COL13A1: variants seen among roughly 807,000 people sequenced by gnomAD.
The protein encoded by COL13A1 is collagen type XIII alpha 1 chain.
In COL13A1, 89 loss-of-function variants were observed where a neutral mutation model predicts 130.9. That is an observed-to-expected ratio of 0.68 (90% CI 0.57 to 0.81). The LOEUF (loss-of-function observed/expected upper bound fraction) is 0.81, where lower values mean the gene tolerates loss of function less well. COL13A1 is among the 30% of genes least tolerant of loss of function. The probability of loss-of-function intolerance (pLI) is 0.00; values close to 1 mark genes in which losing one functional copy is unlikely to be tolerated. For missense variants in COL13A1, 879 were observed against 934.6 expected (o/e 0.94, Z 0.78); for synonymous variants, 402 against 341.6 (o/e 1.18, Z -1.95).
intron 36 of COL13A1, among the ~76,000 whole-genome samples, chr10:69,945,325 G>T (rs1200072396): frequency 6.6e-6 from 1 of 152,240 alleles, no homozygotes; most frequent in Non-Finnish European, 1.5e-5. Flanking sequence ...CTCTGGAGAA[G>T]AAAGCAAAGC....
intron 31 of COL13A1, among the ~76,000 whole-genome samples, chr10:69,933,785 G>A (rs946321759): frequency 5.9e-5 from 9 of 152,082 alleles, no homozygotes; most frequent in African/African-American, 1.9e-4. Flanking sequence ...AGAAGGAAAG[G>A]ATTAAATAAC....
chr10:69,821,900 G>A (rs1290809546), intron 1 of COL13A1, among the ~76,000 whole-genome samples: 2 of 152,148 alleles, frequency 1.3e-5, no homozygotes, highest in African/African-American at 2.4e-5. Context: ...GGGGTGCAGA[G>A]AGCCTTGCCA....
chr10:69,872,511 C>A (rs1042907990), intron 4 of COL13A1, among the ~76,000 whole-genome samples: 4 of 152,232 alleles, frequency 2.6e-5, no homozygotes, highest in African/African-American at 9.6e-5. Context: ...ACTGATGACC[C>A]TACCATGAGC....
chr10:69,911,752 C>T (rs2063402370), intron 17 of COL13A1, among the ~76,000 whole-genome samples: 1 of 152,268 alleles, frequency 6.6e-6, no homozygotes, highest in Admixed American at 6.5e-5. Flanking sequence ...GTGTGTTGCT[C>T]TTGCCAAAGA....
At chr10:69,853,017 C>CG (rs11427754) in intron 2 of COL13A1, among the ~76,000 whole-genome samples, 19,868 of 151,338 alleles carry the variant, frequency 0.13, 1,473 homozygotes, top group African/African-American at 0.19. Context: ...GGCGGGGGAG[C>CG]GGGGGGAGGT....
chr10:69,849,689 C>A (rs1001433806), intron 2 of COL13A1, among the ~76,000 whole-genome samples: 28 of 152,302 alleles, frequency 1.8e-4, no homozygotes, highest in African/African-American at 6.5e-4. Context: ...GTCTTCCCAG[C>A]CTGCCTCGAC....
At chr10:69,878,701 C>T (rs1240131632) in intron 6 of COL13A1, among the ~76,000 whole-genome samples, 5 of 152,230 alleles carry the variant, frequency 3.3e-5, no homozygotes, top group Admixed American at 6.5e-5. Context: ...AGGCTGGTCT[C>T]GAATTCCTGA....
chr10:69,878,403 C>A (rs1311091728), intron 6 of COL13A1, among the ~76,000 whole-genome samples: 1 of 152,162 alleles, frequency 6.6e-6, no homozygotes, highest in African/African-American at 2.4e-5. Flanking sequence ...TGGAATAGAG[C>A]CCCCCTGGGA....
At chr10:69,823,911 CAG>C (rs1259284049) in intron 2 of COL13A1, among the ~76,000 whole-genome samples, 1 of 152,130 alleles carries the variant, frequency 6.6e-6, no homozygotes, top group East Asian at 1.9e-4. Flanking sequence ...GGGGCCTGGG[CAG>C]AGAGACCGTT....
rs529878730 is a variant in COL13A1, at chr10:69,827,635, C to T, written c.364+5197C>T. The stretch of plus-strand genomic sequence containing the variant: ...CCTTCCAGCAACAAGAGTCTGCGAT[C>T]CTACGAATAGGGCTTTATTTTCTTA... On this transcript the variant is annotated intron_variant, in intron 2 of 40. Coordinates refer to ENST00000645393, the MANE Select transcript of COL13A1 (RefSeq NM_001368882.1). Among the ~76,000 whole-genome samples, 624 of 152,294 alleles carry T rather than the reference C, an allele frequency of 4.1e-3. 6 individuals are homozygous for T. Among genetic ancestry groups the T allele is most frequent in the African/African-American group, 0.014 (597 of 41,552 alleles).
At chr10:69,924,051 G>C (rs1447284881) in intron 24 of COL13A1, among the ~76,000 whole-genome samples, 196 bp downstream of exon 24, 1 of 152,236 alleles carries the variant, frequency 6.6e-6, no homozygotes, top group African/African-American at 2.4e-5. Flanking sequence ...AGCCAGTCTA[G>C]GGATGGGACA....
intron 2 of COL13A1, among the ~76,000 whole-genome samples, chr10:69,853,370 C>T (rs1404046755): frequency 6.6e-6 from 1 of 152,132 alleles, no homozygotes; most frequent in Non-Finnish European, 1.5e-5. Context: ...GGCCTCTTAT[C>T]TGCTGAGTGA....
At chr10:69,839,961 G>A (rs1013162435) in intron 2 of COL13A1, among the ~76,000 whole-genome samples, 1 of 152,190 alleles carries the variant, frequency 6.6e-6, no homozygotes, top group East Asian at 1.9e-4. Flanking sequence ...TCTTGGCACC[G>A]GCAGAGAATG....
intron 40 of COL13A1, 27 bp downstream of exon 40, chr10:69,957,069 G>A: frequency 6.2e-7 from 1 of 1,602,296 alleles, no homozygotes; most frequent in Non-Finnish European, 8.6e-7. Flanking sequence ...GTGTGCACTG[G>A]GGCTCCGTTC....
At chr10:69,943,511 C>T (rs1027345001) in intron 35 of COL13A1, among the ~76,000 whole-genome samples, 2 of 152,222 alleles carry the variant, frequency 1.3e-5, no homozygotes, top group Non-Finnish European at 2.9e-5. Flanking sequence ...GAGCTCATGA[C>T]ACGCCTCCCT....
intron 9 of COL13A1, among the ~76,000 whole-genome samples, chr10:69,888,538 A>G (rs986615690): frequency 2.6e-5 from 4 of 152,090 alleles, no homozygotes; most frequent in African/African-American, 9.7e-5. Context: ...CCAGCTGCTG[A>G]GCTTGGCTTT....
chr10:69,802,755 C>A, intron 1 of COL13A1, 38 bp downstream of exon 1: 2 of 1,605,018 alleles, frequency 1.2e-6, no homozygotes, highest in Non-Finnish European at 1.7e-6. Flanking sequence ...TCCCTCCCCG[C>A]GGCGCCCCCT....
At chr10:69,873,312 GA>G (rs1380131675) in intron 4 of COL13A1, among the ~76,000 whole-genome samples, 57 of 152,172 alleles carry the variant, frequency 3.7e-4, no homozygotes, top group African/African-American at 7.7e-4. Context: ...CTTTCTTAAT[GA>G]AATGCATGTG....
At chr10:69,919,135 T>A (rs2064299700) in intron 20 of COL13A1, 47 bp downstream of exon 20, 1 of 1,612,120 alleles carries the variant, frequency 6.2e-7, no homozygotes, top group Non-Finnish European at 8.5e-7. Flanking sequence ...GCATCGGTCA[T>A]GGGCAGAGGT....
Sources: allele counts gnomAD v4.1 joint callset (sites outside exome capture counted in the v4.1 genomes callset), GRCh38; gene constraint gnomAD v4.1.1; transcripts MANE v1.5; gene names NCBI Gene and HGNC (gene_info 2026-07-23, HGNC 2026-07-21).